Variants in GPC6 observed in about 807,000 individuals in gnomAD.
GPC6 encodes the protein glypican 6.
A neutral mutation model predicts 55.2 loss-of-function variants in GPC6; 14 were observed. That is an observed-to-expected ratio of 0.25 (90% CI 0.17 to 0.40). The LOEUF is 0.40. GPC6 is among the 10% of genes least tolerant of loss of function. The pLI, the probability that GPC6 is intolerant of heterozygous loss-of-function variation, is 1.00. For synonymous variants in GPC6, 278 were observed against 259.6 expected, an observed-to-expected ratio of 1.07 and a Z score of -0.68; for missense variants, 641 against 708.5, an observed-to-expected ratio of 0.90 and a Z score of 1.08.
chr13:93,757,775 A>G (rs965619291), intron 2 of GPC6, among the ~76,000 whole-genome samples: 1 of 152,174 alleles, frequency 6.6e-6, no homozygotes, highest in African/African-American at 2.4e-5. Context: ...GTCTGAATTC[A>G]GGCACTGTGG....
chr13:93,775,617 G>A (rs1885442248), intron 2 of GPC6, among the ~76,000 whole-genome samples: 1 of 152,196 alleles, frequency 6.6e-6, no homozygotes, highest in African/African-American at 2.4e-5. Flanking sequence ...TTACTTTGCA[G>A]TCTGTTAGCT....
intron 4 of GPC6, among the ~76,000 whole-genome samples, chr13:94,230,481 T>A (rs2139012465): frequency 6.6e-6 from 1 of 152,248 alleles, no homozygotes; most frequent in Non-Finnish European, 1.5e-5. Flanking sequence ...AGTCCCATCC[T>A]TGACTCCTGA....
chr13:93,514,572 G>T (rs986044104), intron 1 of GPC6, among the ~76,000 whole-genome samples: 2 of 152,112 alleles, frequency 1.3e-5, no homozygotes, highest in Non-Finnish European at 2.9e-5. Context: ...CATATGCAAT[G>T]GTCATTGGAA....
intron 3 of GPC6, among the ~76,000 whole-genome samples, chr13:93,844,825 G>C (rs530608849): frequency 3.4e-5 from 5 of 148,768 alleles, no homozygotes; most frequent in Non-Finnish European, 5.9e-5. Context: ...TTTTGTATAA[G>C]GTGTAAGGAA....
intron 5 of GPC6, among the ~76,000 whole-genome samples, chr13:94,300,117 C>T (rs1259886533): frequency 6.6e-6 from 1 of 152,074 alleles, no homozygotes; most frequent in South Asian, 2.1e-4. Flanking sequence ...ACCTTTCCCC[C>T]ATTATGGAAA....
At chr13:93,555,343 T>C (rs1390192731) in intron 2 of GPC6, among the ~76,000 whole-genome samples, 2 of 152,232 alleles carry the variant, frequency 1.3e-5, no homozygotes, top group Admixed American at 6.5e-5. Flanking sequence ...AGGTCTCCTC[T>C]TTCTATTTTA....
At chr13:93,231,384 T>TATATATATATATATAC (rs1876034952) in intron 1 of GPC6, among the ~76,000 whole-genome samples, 3 of 22,972 alleles carry the variant, frequency 1.3e-4, no homozygotes, top group East Asian at 2.3e-3. Context: ...TATATACATA[T>TATATATATATATATAC]ATATATATAT....
chr13:93,537,764 A>C (rs1475487950), intron 1 of GPC6, among the ~76,000 whole-genome samples: 1 of 152,152 alleles, frequency 6.6e-6, no homozygotes, highest in East Asian at 1.9e-4. Flanking sequence ...CCATTCTTAC[A>C]GATGAGGAAT....
At position 94,324,704 on chromosome 13, in the gene GPC6, T is replaced by TG. The variant is rs1449645871; in HGVS notation, c.1152+18582dup. Reference sequence around the variant, plus strand: ...GAACCAGAACAAGACCTGGGTTTTTTGTTTTTTTTTTTAATTTCTGTTCTA... The same window carrying TG: ...GAACCAGAACAAGACCTGGGTTTTTTGGTTTTTTTTTTTAATTTCTGTTCTA... On this transcript the variant is annotated intron_variant, in intron 6 of 8. Coordinates refer to ENST00000377047, the MANE Select transcript of GPC6 (RefSeq NM_005708.5). Among the ~76,000 whole-genome samples the TG allele has an allele frequency of 1.2e-4, 12 of 96,092 alleles. No individual in the cohort carries two copies. In the East Asian group the frequency reaches 6.2e-3, roughly 49 times the overall value. The allele number at this position is 96,092 out of a possible 152,430, so 63.0% of individuals were successfully genotyped here.
intron 1 of GPC6, among the ~76,000 whole-genome samples, chr13:93,540,074 T>A (rs1217197987): frequency 6.6e-6 from 1 of 152,166 alleles, no homozygotes; most frequent in Admixed American, 6.6e-5. Flanking sequence ...GTCGATTTTT[T>A]TTGTGGTCTC....
chr13:94,361,545 A>G lies in GPC6; in HGVS notation c.1153-20869A>G, dbSNP rs1879060050. Among the ~76,000 whole-genome samples, 3 of 152,380 alleles carry G rather than the reference A, an allele frequency of 2.0e-5. No homozygotes were observed. In the South Asian group the frequency reaches 6.2e-4, roughly 32 times the overall value. ...TTGAAGTGAATGGGCATTGCCACTA[A>G]TTAATAATAACTGAACATGAAAATC... On this transcript the variant is annotated intron_variant, in intron 6 of 8. Transcript: ENST00000377047.
chr13:93,754,699 A>AT (rs1266565545), intron 2 of GPC6, among the ~76,000 whole-genome samples: 13 of 143,046 alleles, frequency 9.1e-5, no homozygotes, highest in Non-Finnish European at 2.1e-4. Context: ...CCAATTTTTT[A>AT]TTTAAAAAAA....
chr13:93,820,446 A>G (rs1887004671), intron 2 of GPC6, among the ~76,000 whole-genome samples: 1 of 152,040 alleles, frequency 6.6e-6, no homozygotes, highest in African/African-American at 2.4e-5. Flanking sequence ...TTTTTGAATT[A>G]TGTGTTACAG....
Position 94,084,307 on chromosome 13 carries a change from T to G in GPC6, c.877+56413T>G, listed in dbSNP as rs535191483. 3.9e-5 allele frequency among the ~76,000 whole-genome samples: 6 copies of G among 152,308 alleles called. No individual in the cohort carries two copies. In the South Asian group the frequency reaches 1.0e-3, roughly 26 times the overall value. On this transcript the variant is annotated intron_variant, in intron 4 of 8. Transcript: ENST00000377047. ...TATTAGAAAACCTGCTGAACCCAAATTCTTTCTCTATGTGCTTCTCCCTTC... is the reference window on the plus strand; with the variant it reads ...TATTAGAAAACCTGCTGAACCCAAAGTCTTTCTCTATGTGCTTCTCCCTTC...
At chr13:94,008,917 CT>C (rs1197283561) in intron 3 of GPC6, among the ~76,000 whole-genome samples, 2 of 152,018 alleles carry the variant, frequency 1.3e-5, no homozygotes, top group African/African-American at 4.8e-5. Flanking sequence ...CAAATTTATG[CT>C]TTGAAAAATT....
At chr13:93,880,481 C>T (rs372071650) in intron 3 of GPC6, among the ~76,000 whole-genome samples, 74 of 152,080 alleles carry the variant, frequency 4.9e-4, no homozygotes, top group African/African-American at 1.5e-3. Flanking sequence ...AACCAAACAC[C>T]GCATATTCTC....
intron 4 of GPC6, among the ~76,000 whole-genome samples, chr13:94,160,662 C>T (rs1240975046): frequency 1.3e-5 from 2 of 152,192 alleles, no homozygotes; most frequent in Non-Finnish European, 2.9e-5. Flanking sequence ...TGAAAACATG[C>T]ATAACCTTTT....
chr13:94,101,574 C>T (rs1197380975), intron 4 of GPC6, among the ~76,000 whole-genome samples: 2 of 152,152 alleles, frequency 1.3e-5, no homozygotes, highest in Non-Finnish European at 2.9e-5. Context: ...TAGATATTCT[C>T]CTTATATGAA....
Position 93,784,864 on chromosome 13 carries a change from T to C in GPC6, c.320-45290T>C, listed in dbSNP as rs143567867. On this transcript the variant is annotated intron_variant, in intron 2 of 8. Transcript: ENST00000377047. ...TGAGACACAGATTGTGTCTAAATGC[T>C]ATGGGGTTTCAGAAGAGGCAGTGCT... Among the ~76,000 whole-genome samples the C allele has an allele frequency of 1.9e-3, 286 of 152,308 alleles. 1 individual carries two copies. Among genetic ancestry groups the C allele is most frequent in the African/African-American group, 6.7e-3 (277 of 41,560 alleles).
Sources: gnomAD v4.1 joint callset for allele counts (sites outside exome capture counted in the v4.1 genomes callset) on GRCh38, gnomAD v4.1.1 for gene constraint, MANE v1.5 for transcripts, NCBI Gene and HGNC (gene_info 2026-07-23, HGNC 2026-07-21) for gene names.